Variants in OPCML observed in about 807,000 individuals in gnomAD.
OPCML encodes the protein opioid binding protein/cell adhesion molecule like, also known as opioid-binding protein/cell adhesion molecule.
Under a neutral mutation model 37.8 loss-of-function variants are expected in OPCML, and 13 were observed. The observed-to-expected ratio is 0.34, with a 90% confidence interval of 0.22 to 0.55. The LOEUF (loss-of-function observed/expected upper bound fraction) is 0.55. OPCML is among the 20% of genes least tolerant of loss of function. OPCML has a pLI of 0.91. For missense variants in OPCML, 341 were observed against 435.6 expected, an observed-to-expected ratio of 0.78 and a Z score of 1.93; for synonymous variants, 176 against 168.8, an observed-to-expected ratio of 1.04 and a Z score of -0.33.
chr11:132,718,114 G>A (rs548170666), intron 2 of OPCML, among the ~76,000 whole-genome samples: 17 of 152,076 alleles, frequency 1.1e-4, no homozygotes, highest in Non-Finnish European at 1.2e-4. Context: ...CAGCCAACTC[G>A]GTATCTCAGG....
chr11:132,828,608 T>C (rs1333582710), intron 2 of OPCML, among the ~76,000 whole-genome samples: 1 of 151,348 alleles, frequency 6.6e-6, no homozygotes, highest in East Asian at 1.9e-4. Context: ...AACAAAATTA[T>C]CCTATTGTTC....
At chr11:133,312,203 G>A (rs1943081120) in intron 1 of OPCML, among the ~76,000 whole-genome samples, 1 of 152,148 alleles carries the variant, frequency 6.6e-6, no homozygotes, top group African/African-American at 2.4e-5. Context: ...AATATGTTAT[G>A]ACAAATGCAT....
At chr11:132,544,218 G>A (rs1297359127) in intron 3 of OPCML, among the ~76,000 whole-genome samples, 1 of 149,796 alleles carries the variant, frequency 6.7e-6, no homozygotes, top group Non-Finnish European at 1.5e-5. Flanking sequence ...ATTAAAGCAC[G>A]TGAAAAAAAA....
intron 1 of OPCML, among the ~76,000 whole-genome samples, chr11:133,184,506 C>A (rs1455766371): frequency 6.6e-6 from 1 of 152,162 alleles, no homozygotes; most frequent in Non-Finnish European, 1.5e-5. Flanking sequence ...CAAAATCCTG[C>A]TGGCTTGAGG....
At chr11:132,526,094 GATTGGGAAT>G (rs1486133733) in intron 4 of OPCML, among the ~76,000 whole-genome samples, 1 of 152,132 alleles carries the variant, frequency 6.6e-6, no homozygotes, top group African/African-American at 2.4e-5. Context: ...CTCTGTAAAA[GATTGGGAAT>G]ATGAATGAAT....
intron 1 of OPCML, among the ~76,000 whole-genome samples, chr11:133,166,295 C>T (rs1162261001): frequency 6.6e-6 from 1 of 152,054 alleles, no homozygotes; most frequent in African/African-American, 2.4e-5. Context: ...GTTATATGTC[C>T]CTTACATGCA....
In OPCML at chr11:133,317,300, C is replaced by T. The variant is rs537832065; in HGVS notation, c.61+214964G>A. Reference sequence around the variant, plus strand: ...GAAAGAAAAAAATACTTCTGGTTAACCTGAAACATGCTATCAAACACATAT... The same window carrying T: ...GAAAGAAAAAAATACTTCTGGTTAATCTGAAACATGCTATCAAACACATAT... On this transcript the variant is annotated intron_variant, in intron 1 of 7. Coordinates refer to ENST00000524381, the MANE Select transcript of OPCML (RefSeq NM_001012393.5). Among the ~76,000 whole-genome samples, 96 of 152,274 alleles carry T rather than the reference C, an allele frequency of 6.3e-4. 1 individual carries two copies. Among genetic ancestry groups the T allele is most frequent in the Non-Finnish European group, 1.2e-3 (82 of 68,022 alleles).
In OPCML at chr11:132,679,829, T is replaced by C. The variant is rs566013807; in HGVS notation, c.147-22510A>G. 2.5e-3 allele frequency among the ~76,000 whole-genome samples: 373 copies of C among 152,222 alleles called. 1 individual carries two copies. The highest frequency in any genetic ancestry group is 8.6e-3 in the African/African-American group (357 of 41,526). On this transcript the variant is annotated intron_variant, in intron 2 of 7. Transcript: ENST00000524381. ...ATGAAGGAGGATGTTAAAAGATATA[T>C]TTGGTCTTCAGGTGATCAAAATTAA...
intron 1 of OPCML, chr11:133,025,040 T>C (rs930715057): frequency 1.8e-5 from 17 of 962,650 alleles, no homozygotes; most frequent in Non-Finnish European, 1.9e-5. Flanking sequence ...GAAACACTTC[T>C]AGGCTGATGT....
intron 1 of OPCML, among the ~76,000 whole-genome samples, chr11:133,140,221 A>ATAATAATAATAC (rs1295109781): frequency 7.3e-6 from 1 of 137,650 alleles, no homozygotes; most frequent in East Asian, 2.3e-4. Context: ...AATAATAATA[A>ATAATAATAATAC]TACTGATAGG....
intron 1 of OPCML, among the ~76,000 whole-genome samples, chr11:133,314,393 C>G (rs902662546): frequency 6.6e-6 from 1 of 151,836 alleles, no homozygotes; most frequent in Non-Finnish European, 1.5e-5. Flanking sequence ...AAACTTGGAA[C>G]CAATTGTAAA....
chr11:133,367,543 A>T (rs765052607), intron 1 of OPCML, among the ~76,000 whole-genome samples: 1 of 152,188 alleles, frequency 6.6e-6, no homozygotes, highest in African/African-American at 2.4e-5. Context: ...ATGTTTACTC[A>T]TTCAGTTTAC....
chr11:133,264,249 C>T (rs907533081), intron 1 of OPCML, among the ~76,000 whole-genome samples: 45 of 152,214 alleles, frequency 3.0e-4, no homozygotes, highest in African/African-American at 8.9e-4. Flanking sequence ...ACTGATGCTG[C>T]GGAAAAATGA....
At position 132,828,552 on chromosome 11, in the gene OPCML, A is replaced by T. The variant is rs1160333065; in HGVS notation, c.146+114374T>A. Among the ~76,000 whole-genome samples the T allele has an allele frequency of 8.1e-5, 9 of 110,550 alleles. No homozygotes were observed. In the East Asian group the frequency reaches 8.2e-4, roughly 10 times the overall value. The allele number at this position is 110,550 out of a possible 152,430, so 72.5% of individuals were successfully genotyped here. ...TAATCTTGCTAAAACAGCTCTTTTA[A>T]AAAAAAAAGTCTATTTATTTTAAAA... On this transcript the variant is annotated intron_variant, in intron 2 of 7. Transcript: ENST00000524381.
chr11:133,255,876 T>G (rs1941296396), intron 1 of OPCML, among the ~76,000 whole-genome samples: 1 of 152,212 alleles, frequency 6.6e-6, no homozygotes, highest in Non-Finnish European at 1.5e-5. Flanking sequence ...TTGTCTGCAT[T>G]TTTCTTTTCT....
intron 1 of OPCML, among the ~76,000 whole-genome samples, chr11:132,982,816 C>A (rs1387462796): frequency 6.6e-6 from 1 of 152,214 alleles, no homozygotes; most frequent in African/African-American, 2.4e-5. Flanking sequence ...CACTGGTCAA[C>A]TTTAATAAGC....
At chr11:132,870,803 A>G (rs1942765951) in intron 2 of OPCML, among the ~76,000 whole-genome samples, 1 of 152,230 alleles carries the variant, frequency 6.6e-6, no homozygotes, top group Non-Finnish European at 1.5e-5. Context: ...AGCCAGGCAT[A>G]GAAAGAAAAG....
intron 3 of OPCML, among the ~76,000 whole-genome samples, chr11:132,597,337 A>T (rs2096493957): frequency 6.6e-6 from 1 of 152,238 alleles, no homozygotes; most frequent in Non-Finnish European, 1.5e-5. Flanking sequence ...ATGAAAGAGG[A>T]TAACACAGAG....
chr11:133,173,352 C>G lies in OPCML; in HGVS notation c.62-230342G>C, dbSNP rs1406386401. Among the ~76,000 whole-genome samples, 1 of 152,126 alleles carries G rather than the reference C, an allele frequency of 6.6e-6. No individual in the cohort carries two copies. Among genetic ancestry groups the G allele is most frequent in the Non-Finnish European group, 1.5e-5 (1 of 68,032 alleles). ...TTGTAGACCCCAACATTCTTGGAGTCTGAGACTCATAGAGAGGGTATCGAT... is the reference window on the plus strand; with the variant it reads ...TTGTAGACCCCAACATTCTTGGAGTGTGAGACTCATAGAGAGGGTATCGAT... On this transcript the variant is annotated intron_variant, in intron 1 of 7. Coordinates refer to ENST00000524381, the MANE Select transcript of OPCML (RefSeq NM_001012393.5). The surrounding 1 kb of genome is among the most constrained non-coding windows in gnomAD (Gnocchi z 7.8).
Sources: gnomAD v4.1 joint callset for allele counts (sites outside exome capture counted in the v4.1 genomes callset) on GRCh38, gnomAD v4.1.1 for gene constraint, Gnocchi (gnomAD v3.1) non-coding constraint, MANE v1.5 for transcripts, NCBI Gene and HGNC (gene_info 2026-07-23, HGNC 2026-07-21) for gene names.